CCSER1: variants seen among roughly 807,000 people sequenced by gnomAD.
The protein encoded by CCSER1 is coiled-coil serine rich protein 1.
Under a neutral mutation model 82.0 loss-of-function variants are expected in CCSER1, and 41 were observed. The observed-to-expected ratio is 0.50, with a 90% CI of 0.39 to 0.65. The LOEUF is 0.65. Ranked by LOEUF, CCSER1 falls within the 30% of genes least tolerant of loss-of-function variation. The pLI is 0.00. For missense variants in CCSER1, 1,119 were observed against 1,064.2 expected (o/e 1.05, Z -0.72); for synonymous variants, 414 against 383.9 (o/e 1.08, Z -0.92).
intron 1 of CCSER1, among the ~76,000 whole-genome samples, chr4:90,133,763 C>T (rs1723193954): frequency 6.6e-6 from 1 of 152,026 alleles, no homozygotes; most frequent in African/African-American, 2.4e-5. Context: ...GTTCCTCTTC[C>T]TTGTGGTACT....
intron 5 of CCSER1, among the ~76,000 whole-genome samples, chr4:90,526,194 A>G (rs1039509236): frequency 5.3e-5 from 8 of 152,156 alleles, no homozygotes; most frequent in Admixed American, 1.3e-4. Context: ...GATTCTCTCT[A>G]CTTGTAACTT....
chr4:90,183,255 C>T (rs1362192502), intron 1 of CCSER1, among the ~76,000 whole-genome samples: 2 of 152,026 alleles, frequency 1.3e-5, no homozygotes, highest in Non-Finnish European at 2.9e-5. Flanking sequence ...TCATATAATT[C>T]CTATCACCCT....
intron 8 of CCSER1, among the ~76,000 whole-genome samples, chr4:90,875,333 T>A (rs1012037628): frequency 1.3e-5 from 2 of 152,198 alleles, no homozygotes; most frequent in Non-Finnish European, 2.9e-5. Context: ...GCCTCATGGT[T>A]AATGACATTT....
chr4:90,447,684 C>A (rs1374671386), intron 4 of CCSER1, among the ~76,000 whole-genome samples: 1 of 152,058 alleles, frequency 6.6e-6, no homozygotes, highest in African/African-American at 2.4e-5. Flanking sequence ...TAATAAGCAT[C>A]AGTATTAAAA....
At chr4:90,713,094 C>T (rs555093071) in intron 6 of CCSER1, among the ~76,000 whole-genome samples, 47 of 151,880 alleles carry the variant, frequency 3.1e-4, no homozygotes, top group African/African-American at 1.1e-3. Context: ...TTTTCTTTAT[C>T]TAGCTTGCCA....
At chr4:90,536,442 G>A (rs568402609) in intron 5 of CCSER1, among the ~76,000 whole-genome samples, 1 of 152,290 alleles carries the variant, frequency 6.6e-6, no homozygotes, top group Non-Finnish European at 1.5e-5. Flanking sequence ...TACTGTAATT[G>A]AGAAAAACAT....
chr4:91,196,455 G>A (rs375780596), intron 10 of CCSER1, among the ~76,000 whole-genome samples: 23 of 152,186 alleles, frequency 1.5e-4, no homozygotes, highest in African/African-American at 5.5e-4. Context: ...TTTAAAAACA[G>A]CATGTTCTTT....
intron 4 of CCSER1, among the ~76,000 whole-genome samples, chr4:90,428,353 T>C (rs1033082): frequency 0.23 from 35,234 of 151,596 alleles, 6,044 homozygotes; most frequent in African/African-American, 0.47. Flanking sequence ...GACCTTGAAC[T>C]ACTCAGGGTT....
chr4:90,399,596 C>T (rs1752518199), intron 3 of CCSER1, among the ~76,000 whole-genome samples: 1 of 151,970 alleles, frequency 6.6e-6, no homozygotes, highest in South Asian at 2.1e-4. Flanking sequence ...ATTTCACAGA[C>T]TTCTATTTGA....
At chr4:91,116,079 C>A (rs1650207551) in intron 10 of CCSER1, among the ~76,000 whole-genome samples, 1 of 151,778 alleles carries the variant, frequency 6.6e-6, no homozygotes, top group South Asian at 2.1e-4. Context: ...TTGTTCAGTT[C>A]CCACCTATGA....
chr4:90,978,107 A>T (rs1735775959), intron 9 of CCSER1, among the ~76,000 whole-genome samples: 1 of 151,600 alleles, frequency 6.6e-6, no homozygotes, highest in Non-Finnish European at 1.5e-5. Flanking sequence ...ATATTTTCAA[A>T]TATTTTCATA....
At chr4:90,673,578 A>G (rs982724476) in intron 6 of CCSER1, among the ~76,000 whole-genome samples, 1 of 152,146 alleles carries the variant, frequency 6.6e-6, no homozygotes, top group African/African-American at 2.4e-5. Context: ...GTTGAGGCAC[A>G]TGGATCCTTC....
intron 8 of CCSER1, among the ~76,000 whole-genome samples, chr4:90,842,052 C>A (rs9999473): frequency 0.42 from 63,912 of 151,726 alleles, 13,645 homozygotes; most frequent in Non-Finnish European, 0.44. Flanking sequence ...TTAAAAAACA[C>A]AGCTTGGCAT....
intron 6 of CCSER1, among the ~76,000 whole-genome samples, chr4:90,667,634 T>C (rs1037599177): frequency 6.6e-6 from 1 of 152,088 alleles, no homozygotes; most frequent in Non-Finnish European, 1.5e-5. Context: ...AGAATGATGG[T>C]TTCCAGCTTC....
chr4:91,539,332 A>G (rs1023001638), intron 10 of CCSER1, among the ~76,000 whole-genome samples: 1 of 152,060 alleles, frequency 6.6e-6, no homozygotes, highest in Non-Finnish European at 1.5e-5. Context: ...TCCATGATAT[A>G]GTTGTTATTT....
At chr4:90,333,857 T>C (rs182158189) in intron 3 of CCSER1, among the ~76,000 whole-genome samples, 1 of 152,232 alleles carries the variant, frequency 6.6e-6, no homozygotes, top group East Asian at 1.9e-4. Flanking sequence ...TCGGTTCAGG[T>C]CCTGCAGGAC....
intron 1 of CCSER1, among the ~76,000 whole-genome samples, chr4:90,217,194 G>GT (rs1276039649): frequency 2.0e-5 from 3 of 151,948 alleles, no homozygotes; most frequent in South Asian, 2.1e-4. Context: ...GTCTTTAGAC[G>GT]TTTTTTTGTT....
chr4:90,141,028 C>CTA (rs1724683264), intron 1 of CCSER1, among the ~76,000 whole-genome samples: 1 of 151,224 alleles, frequency 6.6e-6, no homozygotes, highest in African/African-American at 2.4e-5. Flanking sequence ...AGATATCTAT[C>CTA]TATCTATCTA....
At chr4:90,782,835 T>C (rs1753982671) in intron 7 of CCSER1, among the ~76,000 whole-genome samples, 3 of 151,066 alleles carry the variant, frequency 2.0e-5, no homozygotes, top group Middle Eastern at 3.4e-3. Flanking sequence ...GTGCCAGCCA[T>C]CACGCCTGGC....
Sources: gnomAD v4.1 joint callset for allele counts (sites outside exome capture counted in the v4.1 genomes callset) on GRCh38, gnomAD v4.1.1 for gene constraint, MANE v1.5 for transcripts, NCBI Gene and HGNC (gene_info 2026-07-23, HGNC 2026-07-21) for gene names.